Variants in CFAP74 observed in about 807,000 individuals in gnomAD.
The protein encoded by CFAP74 is cilia and flagella associated protein 74.
A neutral mutation model predicts 188.9 loss-of-function variants in CFAP74; 124 were observed. The observed-to-expected ratio is 0.66, with a 90% confidence interval of 0.57 to 0.76. CFAP74 has a LOEUF of 0.76. Ranked by LOEUF, CFAP74 falls within the 30% of genes least tolerant of loss-of-function variation. The probability of loss-of-function intolerance (pLI) is 0.00; values close to 1 mark genes in which losing one functional copy is unlikely to be tolerated. For synonymous variants in CFAP74, 956 were observed against 916.7 expected (o/e 1.04, Z -0.77); for missense variants, 2,198 against 2,165.2 (o/e 1.02, Z -0.30).
chr1:1,946,863 C>T (rs1001309029), intron 19 of CFAP74, 127 bp downstream of exon 19: 2 of 731,164 alleles, frequency 2.7e-6, no homozygotes, highest in African/African-American at 3.5e-5. Flanking sequence ...AAAGTCTGGC[C>T]TGTCTCTGGT....
At chr1:1,931,731 C>CT (rs1429646596) in intron 25 of CFAP74, among the ~76,000 whole-genome samples, 2 of 117,114 alleles carry the variant, frequency 1.7e-5, no homozygotes, top group African/African-American at 6.9e-5. Context: ...AGCAAAGACT[C>CT]TGTCTCTGTC....
intron 25 of CFAP74, among the ~76,000 whole-genome samples, chr1:1,932,946 T>C (rs1461663668): frequency 2.0e-5 from 3 of 147,426 alleles, no homozygotes; most frequent in Non-Finnish European, 4.5e-5. Context: ...AGTGCAGTGG[T>C]GCGATCTCGG....
chr1:1,992,416 C>A (rs1657636960), intron 1 of CFAP74, among the ~76,000 whole-genome samples: 1 of 152,044 alleles, frequency 6.6e-6, no homozygotes, highest in Admixed American at 6.6e-5. Flanking sequence ...GATTCACCCA[C>A]CTCAACCTCC....
At chr1:1,941,927 C>A in intron 22 of CFAP74, 101 bp downstream of exon 22, 1 of 1,237,552 alleles carries the variant, frequency 8.1e-7, no homozygotes, top group Non-Finnish European at 1.0e-6. Context: ...CTGATGATCC[C>A]GGCAGCAATG....
rs530010936 is a variant in CFAP74, at chr1:1,961,002, T to C, written c.1695-972A>G. Among the ~76,000 whole-genome samples the C allele has an allele frequency of 1.2e-4, 19 of 152,290 alleles. No homozygotes were observed. The South Asian group carries it at 3.7e-3, about 30-fold the overall frequency. On this transcript the variant is annotated intron_variant, in intron 14 of 38. Coordinates refer to ENST00000682832, the MANE Select transcript of CFAP74 (RefSeq NM_001304360.2). ...GACACTGTCAAGAAATGCAGACTCA[T>C]CCAAAACAGAACTTGGCATTTTTAG...
chr1:1,936,772 C>CTAACT (rs1652925167), intron 25 of CFAP74, among the ~76,000 whole-genome samples: 1 of 151,098 alleles, frequency 6.6e-6, no homozygotes, highest in Admixed American at 6.6e-5. Flanking sequence ...GGCATGGTGG[C>CTAACT]GTGTTCCTGT....
rs756647715 is a variant in CFAP74, at chr1:1,955,369, C to T, written c.2176+322G>A. On this transcript the variant is annotated intron_variant, in intron 18 of 38. Transcript: ENST00000682832. ...GCTGCAGAGCTAGACAGAAGCCCCC[C>T]GCAGCCCGGCCCCTCCAGGGGGCAC... is the stretch of plus-strand genomic sequence containing the variant. 2.1e-4 allele frequency: 278 copies of T among 1,350,472 alleles called. 1 individual carries two copies. In the African/African-American group the frequency reaches 2.2e-3, roughly 11 times the overall value. The allele number at this position is 1,350,472 out of a possible 1,614,324, so 83.7% of individuals were successfully genotyped here.
intron 16 of CFAP74, 72 bp from the exon 17 acceptor site, chr1:1,956,856 C>T (rs568991783): frequency 1.9e-5 from 29 of 1,518,490 alleles, no homozygotes; most frequent in Middle Eastern, 1.7e-4. Flanking sequence ...GAGGCCTGCA[C>T]GTGGCTCCAG....
chr1:1,930,327 C>T lies in CFAP74; in HGVS notation c.3021G>A (p.Lys1007=). 1 of 1,521,500 alleles carries T rather than the reference C, an allele frequency of 6.6e-7. No homozygotes were observed. Among genetic ancestry groups the T allele is most frequent in the Non-Finnish European group, 8.8e-7 (1 of 1,135,858 alleles). 94.2% of individuals were successfully genotyped at this position (1,521,500 alleles called of 1,614,324 possible). A position where few individuals can be genotyped will look rare whatever the true frequency, so the allele number is the denominator to read the frequency against. The change falls in exon 26 of 39, where the codon AAG becomes AAA. Residue 1007 remains lysine, a synonymous_variant. Coordinates refer to ENST00000682832, the MANE Select transcript of CFAP74 (RefSeq NM_001304360.2). ...TCKSEINRCF[K]LSCRAVGVHP... The stretch of plus-strand genomic sequence containing the variant: ...GGACGCCTACAGCCCGGCAAGACAG[C>T]TTGAAGCACCTGCAAGCAGCAGCAT...
At chr1:1,924,575 T>G (rs1178848592) in intron 33 of CFAP74, 55 bp from the exon 34 acceptor site, 6 of 1,545,788 alleles carry the variant, frequency 3.9e-6, no homozygotes, top group Non-Finnish European at 5.3e-6. Context: ...GCTGCCCCCT[T>G]CCTGTCGTCG....
At chr1:1,933,616 A>G (rs540679735) in intron 25 of CFAP74, among the ~76,000 whole-genome samples, 3 of 152,194 alleles carry the variant, frequency 2.0e-5, no homozygotes, top group Non-Finnish European at 2.9e-5. Flanking sequence ...GATATTTGTT[A>G]GGGTCTGTGG....
intron 25 of CFAP74, among the ~76,000 whole-genome samples, chr1:1,938,426 TCA>T (rs1349504497): frequency 6.6e-6 from 1 of 150,624 alleles, no homozygotes; most frequent in African/African-American, 2.5e-5. Flanking sequence ...ATACCTGCAC[TCA>T]CACTCCTGCA....
rs181885281 is a variant in CFAP74 at position 1,966,337 on chromosome 1, G to A, written c.1401+34C>T. 1,143 of 1,458,330 alleles carry A rather than the reference G, an allele frequency of 7.8e-4. 1 individual carries two copies. Among genetic ancestry groups the A allele is most frequent in the Non-Finnish European group, 7.6e-4 (830 of 1,092,654 alleles). 90.3% of individuals were successfully genotyped at this position (1,458,330 alleles called of 1,614,324 possible). ...AGCCGGCGACAGAGGGCCGGGGTCC[G>A]TCTGCAAGCGTCTAAAGGAGCAGGA... On this transcript the variant is annotated intron_variant, in intron 12 of 38. Coordinates refer to ENST00000682832, the MANE Select transcript of CFAP74 (RefSeq NM_001304360.2).
chr1:1,988,093 G>A (rs1389634411), intron 4 of CFAP74: 4 of 471,626 alleles, frequency 8.5e-6, no homozygotes, highest in African/African-American at 2.0e-5. Context: ...ACAGGCGTGC[G>A]CCACCACTCT....
At chr1:1,991,048 T>C (rs1657537875) in intron 1 of CFAP74, 73 bp from the exon 2 acceptor site, 1 of 1,036,018 alleles carries the variant, frequency 9.7e-7, no homozygotes. Flanking sequence ...ACCATTTCTC[T>C]TAAAGAAGGC....
intron 10 of CFAP74, among the ~76,000 whole-genome samples, chr1:1,970,012 A>T (rs1352373717): frequency 1.3e-5 from 2 of 152,006 alleles, no homozygotes; most frequent in East Asian, 3.9e-4. Context: ...GGCGAGACTG[A>T]GCGGGAGAGA....
chr1:1,985,467 G>A lies in CFAP74; in HGVS notation c.419C>T (p.Ala140Val), dbSNP rs267598255. The change falls in exon 6 of 39, where the codon GCC (alanine) becomes GTC (valine). Residue 140 changes from alanine (A) to valine (V), a missense_variant. Transcript: ENST00000682832. ...CTCTGCAAACAGGCGTCTGGACACGGCCTGGAGGCGGCCCACAGCGGCCCT... is the reference window on the plus strand; with the variant it reads ...CTCTGCAAACAGGCGTCTGGACACGACCTGGAGGCGGCCCACAGCGGCCCT... ...GNMAAVGRLQ[A>V]VSRRLFAELE... 6.2e-7 allele frequency: 1 copy of A among 1,613,910 alleles called. No individual in the cohort carries two copies. Among genetic ancestry groups the A allele is most frequent in the Non-Finnish European group, 8.5e-7 (1 of 1,180,010 alleles).
At chr1:1,948,336 G>A (rs1046789353) in intron 18 of CFAP74, among the ~76,000 whole-genome samples, 1 of 151,688 alleles carries the variant, frequency 6.6e-6, no homozygotes, top group Non-Finnish European at 1.5e-5. Flanking sequence ...GCAGTGGTGC[G>A]ATCACTGCAC....
chr1:1,929,695 T>C (rs1652206636), intron 26 of CFAP74, among the ~76,000 whole-genome samples: 1 of 151,798 alleles, frequency 6.6e-6, no homozygotes, highest in Admixed American at 6.6e-5. Context: ...GCCGACACCT[T>C]GTCCTCCCAG....
Sources: gnomAD v4.1 joint callset for allele counts (sites outside exome capture counted in the v4.1 genomes callset) on GRCh38, gnomAD v4.1.1 for gene constraint, MANE v1.5 for transcripts, NCBI Gene and HGNC (gene_info 2026-07-23, HGNC 2026-07-21) for gene names.